Variants in CFAP57 observed in about 807,000 individuals in gnomAD.
CFAP57 encodes cilia and flagella associated protein 57, also known as cilia- and flagella-associated protein 57.
Under a neutral mutation model 146.8 loss-of-function variants are expected in CFAP57, and 116 were observed. That is an observed-to-expected ratio of 0.79 (90% CI 0.68 to 0.92). The LOEUF is 0.92. Among genes scored for constraint, CFAP57 ranks in the 40% least tolerant of loss-of-function variants. The pLI, the probability that CFAP57 is intolerant of heterozygous loss-of-function variation, is 0.00. For synonymous variants in CFAP57, 518 were observed against 552.8 expected (o/e 0.94, Z 0.88); for missense variants, 1,377 against 1,527.2 (o/e 0.90, Z 1.64).
chr1:43,221,900 C>A (rs1440516651), intron 14 of CFAP57, among the ~76,000 whole-genome samples: 3 of 152,130 alleles, frequency 2.0e-5, no homozygotes. Context: ...CTTCCCAGAG[C>A]AGGCAGGCAG....
In CFAP57 at chr1:43,222,199, G is replaced by A; in HGVS notation, c.2436G>A (p.Gln812=). Residue 812 remains glutamine (Q), a synonymous_variant, in exon 15 of 23, where the codon CAG becomes CAA. Transcript: ENST00000372492. ...GGATGCAGGAAGAGTATGAAAAACA[G>A]CTCCGGGATAACGATGAGACCAAGA... ...SQRMQEEYEK[Q]LRDNDETKSQ... 1 of 1,542,206 alleles carries A rather than the reference G, an allele frequency of 6.5e-7. No homozygotes were observed. Among genetic ancestry groups the A allele is most frequent in the South Asian group, 1.2e-5 (1 of 82,780 alleles).
intron 18 of CFAP57, among the ~76,000 whole-genome samples, chr1:43,231,699 CAA>C (rs10588937): frequency 0.018 from 1,462 of 83,530 alleles, 26 homozygotes; most frequent in African/African-American, 0.043. Context: ...CCTAAAAATA[CAA>C]AAAAAAAAAA....
chr1:43,209,951 A>C, intron 11 of CFAP57, 35 bp downstream of exon 11: 14 of 1,613,838 alleles, frequency 8.7e-6, no homozygotes, highest in Non-Finnish European at 1.2e-5. Flanking sequence ...ACCCAGTCCC[A>C]CACCTGCCTG....
At chr1:43,253,946 A>T in intron 22 of CFAP57, 31 bp from the exon 23 acceptor site, 1 of 1,542,722 alleles carries the variant, frequency 6.5e-7, no homozygotes. Flanking sequence ...TGCAATGGAC[A>T]GGCCCACATG....
At chr1:43,199,994 CTTCT>C (rs2124435127) in intron 9 of CFAP57, among the ~76,000 whole-genome samples, 1 of 152,216 alleles carries the variant, frequency 6.6e-6, no homozygotes, top group South Asian at 2.1e-4. Flanking sequence ...AGGATTTATC[CTTCT>C]TATTTCTTGA....
chr1:43,206,798 C>A lies in CFAP57; in HGVS notation c.1621C>A (p.Leu541Met). 1 of 1,614,178 alleles carries A rather than the reference C, an allele frequency of 6.2e-7. No homozygotes were observed. The highest frequency in any genetic ancestry group is 1.1e-5 in the South Asian group (1 of 91,082). ...GTDGAVYEWNLSTGKRETECV... is the reference protein window; with the variant it reads ...GTDGAVYEWNMSTGKRETECV... ...AGATGGTGCTGTGTATGAATGGAATCTGTCCACAGGAAAGAGAGAGACAGA... is the reference window on the plus strand; with the variant it reads ...AGATGGTGCTGTGTATGAATGGAATATGTCCACAGGAAAGAGAGAGACAGA... The change falls in exon 10 of 23, where the codon CTG becomes ATG. Residue 541 changes from leucine (L) to methionine (M), a missense_variant. Leu to Met is a conservative substitution (Grantham distance 15, BLOSUM62 2). Transcript: ENST00000372492.
At position 43,226,972 on chromosome 1, in the gene CFAP57, C is replaced by A; in HGVS notation, c.2866-11C>A. 1 of 1,496,144 alleles carries A rather than the reference C, an allele frequency of 6.7e-7. No individual in the cohort carries two copies. The highest frequency in any genetic ancestry group is 8.9e-7 in the Non-Finnish European group (1 of 1,123,302). 92.7% of individuals were successfully genotyped at this position (1,496,144 alleles called of 1,614,324 possible). Reference sequence around the variant, plus strand: ...ACAATATCTCTCACTTCTCTCTCATCTCACCCCCAGGAGAAGCGAATTTAT... The same window carrying A: ...ACAATATCTCTCACTTCTCTCTCATATCACCCCCAGGAGAAGCGAATTTAT... On this transcript the variant is annotated splice_polypyrimidine_tract_variant and intron_variant, in intron 17 of 22. Transcript: ENST00000372492.
intron 6 of CFAP57, among the ~76,000 whole-genome samples, chr1:43,191,326 G>A (rs536487736): frequency 1.3e-5 from 2 of 152,002 alleles, no homozygotes; most frequent in Non-Finnish European, 2.9e-5. Flanking sequence ...GGTGGCTCAC[G>A]CCTGCAATCC....
At chr1:43,246,180 A>G (rs1201202396) in intron 22 of CFAP57, among the ~76,000 whole-genome samples, 1 of 152,240 alleles carries the variant, frequency 6.6e-6, no homozygotes, top group Non-Finnish European at 1.5e-5. Flanking sequence ...ATCCATTCCA[A>G]AATTCATATG....
chr1:43,204,016 A>T (rs1255608857), intron 9 of CFAP57, among the ~76,000 whole-genome samples: 2 of 152,174 alleles, frequency 1.3e-5, no homozygotes, highest in Non-Finnish European at 2.9e-5. Context: ...AAACTCTGTT[A>T]ATGTTAATTT....
At chr1:43,211,255 A>G (rs1173831197) in intron 11 of CFAP57, among the ~76,000 whole-genome samples, 1 of 152,174 alleles carries the variant, frequency 6.6e-6, no homozygotes, top group Non-Finnish European at 1.5e-5. Flanking sequence ...TTTTCTGATT[A>G]TAGAAGCAAT....
At chr1:43,187,463 C>CT (rs138452405) in intron 6 of CFAP57, among the ~76,000 whole-genome samples, 2,408 of 152,050 alleles carry the variant, frequency 0.016, 72 homozygotes, top group African/African-American at 0.055. Flanking sequence ...AGTAATGGTC[C>CT]TTTTTTTAAT....
chr1:43,206,546 A>G lies in CFAP57; in HGVS notation c.1543-174A>G, dbSNP rs141587115. On this transcript the variant is annotated intron_variant, in intron 9 of 22. Transcript: ENST00000372492. ...CTTCAGTAATTTGCAAGCGTCATAG[A>G]AAACAGAATGTGAACGTTCACAAGA... Among the ~76,000 whole-genome samples, 1,167 of 151,392 alleles carry G rather than the reference A, an allele frequency of 7.7e-3. 10 individuals are homozygous for G. Among genetic ancestry groups the G allele is most frequent in the Non-Finnish European group, 0.011 (726 of 67,922 alleles).
intron 18 of CFAP57, among the ~76,000 whole-genome samples, chr1:43,228,704 A>T (rs1570253107): frequency 1.3e-5 from 2 of 149,220 alleles, no homozygotes; most frequent in East Asian, 4.1e-4. Context: ...GAGTGCTTTC[A>T]GGGCCCCAAA....
intron 11 of CFAP57, 91 bp downstream of exon 11, chr1:43,210,007 CTCCTT>C (rs757433233): frequency 5.6e-6 from 9 of 1,613,202 alleles, no homozygotes; most frequent in Middle Eastern, 3.3e-4. Flanking sequence ...TCTTTTCTCT[CTCCTT>C]CTTCTCTCTT....
intron 3 of CFAP57, among the ~76,000 whole-genome samples, chr1:43,182,886 A>G (rs565878631): frequency 1.3e-5 from 2 of 152,364 alleles, no homozygotes; most frequent in African/African-American, 2.4e-5. Flanking sequence ...GTAGTCCCCA[A>G]CTTACTATGG....
intron 2 of CFAP57, among the ~76,000 whole-genome samples, chr1:43,174,603 G>A (rs1202722155): frequency 1.3e-5 from 2 of 152,270 alleles, no homozygotes; most frequent in Admixed American, 6.5e-5. Flanking sequence ...AGATCACGAG[G>A]TCAAGAGATC....
rs1455175773 is a variant in CFAP57 at position 43,222,912 on chromosome 1, T to C, written c.2621T>C (p.Ile874Thr). The change falls in exon 16 of 23, where the codon ATC (isoleucine) becomes ACC (threonine). Residue 874 changes from isoleucine (I) to threonine (T), a missense_variant. Transcript: ENST00000372492. ...EEDEDREIQD[I>T]KTKYEKKLRD... ...GATGAAGACCGAGAAATCCAAGATA[T>C]CAAAACCAAGTATGAGAAAAAGCTT... 9.7e-6 allele frequency: 15 copies of C among 1,550,250 alleles called. No individual in the cohort carries two copies. Among genetic ancestry groups the C allele is most frequent in the African/African-American group, 1.4e-5 (1 of 73,094 alleles).
chr1:43,193,414 G>T (rs1643666627), intron 6 of CFAP57, among the ~76,000 whole-genome samples: 1 of 152,030 alleles, frequency 6.6e-6, no homozygotes, highest in African/African-American at 2.4e-5. Flanking sequence ...GTATCATGGG[G>T]TTTTTGTTCT....
Sources: allele counts gnomAD v4.1 joint callset (sites outside exome capture counted in the v4.1 genomes callset), GRCh38; gene constraint gnomAD v4.1.1; transcripts MANE v1.5; gene names NCBI Gene and HGNC (gene_info 2026-07-23, HGNC 2026-07-21).